Variants in UBE2V2 observed in about 807,000 individuals in gnomAD.
UBE2V2 encodes the protein ubiquitin-conjugating enzyme E2 variant 2.
UBE2V2 carries 9 observed loss-of-function variants against 17.2 expected under a neutral mutation model. That is an observed-to-expected ratio of 0.52 (90% confidence interval 0.32 to 0.91). UBE2V2 has a LOEUF of 0.91. Ranked by LOEUF, UBE2V2 falls within the 40% of genes least tolerant of loss-of-function variation. The pLI is 0.04. For synonymous variants in UBE2V2, 61 were observed against 57.5 expected, an observed-to-expected ratio of 1.06 and a Z score of -0.28; for missense variants, 133 against 182.6, an observed-to-expected ratio of 0.73 and a Z score of 1.56.
chr8:48,044,004 G>C (rs1176921559), intron 2 of UBE2V2, among the ~76,000 whole-genome samples: 6 of 149,460 alleles, frequency 4.0e-5, no homozygotes, highest in African/African-American at 1.5e-4. Context: ...TTTGAAATTT[G>C]TCTCTCTAAT....
Position 48,060,908 on chromosome 8 carries a change from A to G in UBE2V2, c.*80A>G, listed in dbSNP as rs1334364827. On this transcript the variant is annotated 3_prime_UTR_variant, in exon 4 of 4. Coordinates refer to ENST00000523111, the MANE Select transcript of UBE2V2 (RefSeq NM_003350.3). The stretch of plus-strand genomic sequence containing the variant: ...TCTTGATTAAATATCACAATGCAAA[A>G]TACACATTAAGTAAAAGAATTCCAG... 2.4e-6 allele frequency: 3 copies of G among 1,263,404 alleles called. No individual in the cohort carries two copies. In the African/African-American group the frequency reaches 4.6e-5, roughly 19 times the overall value. The allele number at this position is 1,263,404 out of a possible 1,614,324, so 78.3% of individuals were successfully genotyped here. A position where few individuals can be genotyped will look rare whatever the true frequency, so the allele number is the denominator to read the frequency against.
chr8:48,056,771 T>A (rs1034325173), intron 3 of UBE2V2, among the ~76,000 whole-genome samples: 1 of 152,202 alleles, frequency 6.6e-6, no homozygotes, highest in African/African-American at 2.4e-5. Flanking sequence ...CCGCCCAGGC[T>A]GGATTGCGGT....
rs1222934596 is a variant in UBE2V2, at chr8:48,014,664, AT to A, written c.16+6195del. 1.7e-3 allele frequency among the ~76,000 whole-genome samples: 259 copies of A among 150,046 alleles called. 1 individual carries two copies. Among genetic ancestry groups the A allele is most frequent in the Admixed American group, 0.016 (236 of 14,776 alleles). On this transcript the variant is annotated intron_variant, in intron 1 of 3. Transcript: ENST00000523111. ...TGCCTCAAAAAAAAAAAAAAAAAAA[AT>A]GTGCAGGAAAATGAAACCAGTAAAA...
intron 1 of UBE2V2, among the ~76,000 whole-genome samples, chr8:48,031,467 T>C (rs1437221299): frequency 5.9e-5 from 9 of 152,094 alleles, no homozygotes; most frequent in Non-Finnish European, 1.3e-4. Flanking sequence ...TTTTTGGCAG[T>C]GGCTGGGGGT....
chr8:48,044,584 C>G (rs546616700), intron 2 of UBE2V2, among the ~76,000 whole-genome samples: 2 of 152,120 alleles, frequency 1.3e-5, no homozygotes, highest in Non-Finnish European at 2.9e-5. Flanking sequence ...CTGATAGGCT[C>G]CCTGTTTACT....
intron 1 of UBE2V2, among the ~76,000 whole-genome samples, chr8:48,024,177 A>AT (rs2091324543): frequency 6.6e-6 from 1 of 152,170 alleles, no homozygotes; most frequent in Non-Finnish European, 1.5e-5. Context: ...TTAATAGAAT[A>AT]TATGTTATGG....
At chr8:48,025,621 A>T (rs1485105593) in intron 1 of UBE2V2, among the ~76,000 whole-genome samples, 1 of 134,868 alleles carries the variant, frequency 7.4e-6, no homozygotes, top group African/African-American at 2.8e-5. Context: ...TTTTTTTGAG[A>T]TGGAGTCTTG....
chr8:48,029,350 A>G (rs1053140540), intron 1 of UBE2V2, among the ~76,000 whole-genome samples: 1 of 152,156 alleles, frequency 6.6e-6, no homozygotes, highest in Non-Finnish European at 1.5e-5. Flanking sequence ...CACAAACATC[A>G]GAGAACCATG....
At chr8:48,016,231 T>A (rs1218397883) in intron 1 of UBE2V2, among the ~76,000 whole-genome samples, 2 of 152,114 alleles carry the variant, frequency 1.3e-5, no homozygotes, top group African/African-American at 4.8e-5. Flanking sequence ...CTTAGGTTGA[T>A]TCTATATCTT....
intron 3 of UBE2V2, among the ~76,000 whole-genome samples, chr8:48,058,534 T>C (rs371751903): frequency 4.2e-4 from 61 of 145,774 alleles, no homozygotes; most frequent in African/African-American, 1.5e-3. Context: ...ATTGTGCCAC[T>C]GCACTGCACT....
intron 1 of UBE2V2, among the ~76,000 whole-genome samples, chr8:48,036,007 G>C (rs1423257432): frequency 1.4e-5 from 2 of 147,798 alleles, no homozygotes; most frequent in Admixed American, 1.4e-4. Context: ...CTAGAGTGTG[G>C]TGGCGTGAAC....
intron 1 of UBE2V2, among the ~76,000 whole-genome samples, chr8:48,019,495 C>T (rs2091290591): frequency 6.6e-6 from 1 of 150,426 alleles, no homozygotes; most frequent in Non-Finnish European, 1.5e-5. Flanking sequence ...CGCCACTGCC[C>T]TCCAGCCTGG....
intron 2 of UBE2V2, 43 bp from the exon 3 acceptor site, chr8:48,049,810 A>G: frequency 6.6e-7 from 1 of 1,524,116 alleles, no homozygotes; most frequent in Admixed American, 2.0e-5. Context: ...TTAATATTTT[A>G]GGTATTGTTA....
At chr8:48,022,258 C>T (rs933131388) in intron 1 of UBE2V2, among the ~76,000 whole-genome samples, 7 of 152,068 alleles carry the variant, frequency 4.6e-5, no homozygotes, top group African/African-American at 1.7e-4. Flanking sequence ...CTGCCTCAGC[C>T]TCCTGAGTAG....
intron 1 of UBE2V2, among the ~76,000 whole-genome samples, chr8:48,033,248 G>A (rs2091396541): frequency 1.3e-5 from 2 of 151,738 alleles, no homozygotes; most frequent in African/African-American, 4.8e-5. Context: ...GTGCAGTGGT[G>A]TGATGTCAGC....
At chr8:47,997,703 G>A in the UBE2V2 span, among the ~76,000 whole-genome samples, 1 of 152,026 alleles carries the variant, frequency 6.6e-6, no homozygotes, top group Non-Finnish European at 1.5e-5. Flanking sequence ...GCCACTTCCC[G>A]GAGAGGAAGC....
intron 1 of UBE2V2, among the ~76,000 whole-genome samples, chr8:48,039,044 T>A (rs2091443707): frequency 6.6e-6 from 1 of 150,848 alleles, no homozygotes; most frequent in South Asian, 2.1e-4. Context: ...TTCTCCTGCC[T>A]TAGGAGAATT....
intron 3 of UBE2V2, among the ~76,000 whole-genome samples, chr8:48,059,178 G>A (rs1324176414): frequency 4.6e-5 from 7 of 151,840 alleles, no homozygotes; most frequent in Admixed American, 1.3e-4. Flanking sequence ...CAGGCAATCC[G>A]CCCGCCTCGG....
At chr8:48,055,904 G>A (rs1000553453) in intron 3 of UBE2V2, among the ~76,000 whole-genome samples, 8 of 151,750 alleles carry the variant, frequency 5.3e-5, no homozygotes, top group African/African-American at 1.7e-4. Context: ...GACTACAGGC[G>A]CCCGCCACCA....
Sources: gnomAD v4.1 joint callset for allele counts (sites outside exome capture counted in the v4.1 genomes callset) on GRCh38, gnomAD v4.1.1 for gene constraint, MANE v1.5 for transcripts, NCBI Gene and HGNC (gene_info 2026-07-23, HGNC 2026-07-21) for gene names.